TIMM23B: variants seen among roughly 807,000 people sequenced by gnomAD.
TIMM23B encodes the protein mitochondrial import inner membrane translocase subunit Tim23B.
Under a neutral mutation model 27.3 loss-of-function variants are expected in TIMM23B, and 27 were observed. The observed-to-expected ratio is 0.99, with a 90% CI of 0.73 to 1.36. The LOEUF (loss-of-function observed/expected upper bound fraction) is 1.36, where lower values mean the gene tolerates loss of function less well. Among genes scored for constraint, TIMM23B ranks in the 40% most tolerant of loss-of-function variants. The pLI is 0.00. For missense variants in TIMM23B, 205 were observed against 244.2 expected, an observed-to-expected ratio of 0.84 and a Z score of 1.07; for synonymous variants, 73 against 92.4, an observed-to-expected ratio of 0.79 and a Z score of 1.21.
At chr10:49,970,509 C>T (rs1840384674) in intron 6 of TIMM23B, 1 of 159,520 alleles carries the variant, frequency 6.3e-6, no homozygotes, top group South Asian at 1.8e-4. Flanking sequence ...AGGAGCCCCT[C>T]CGCCTGGCAG....
chr10:49,954,181 TC>T (rs1839634533), intron 4 of TIMM23B: 1 of 178,570 alleles, frequency 5.6e-6, no homozygotes, highest in South Asian at 1.2e-4. Context: ...CTGAATGAGT[TC>T]CTTCACTCTT....
intron 6 of TIMM23B, chr10:49,972,621 A>G: frequency 5.1e-6 from 1 of 194,556 alleles, no homozygotes; most frequent in East Asian, 1.4e-4. Context: ...TGTACTGAGA[A>G]TGTAGCTGTG....
At chr10:49,965,802 A>G (rs1412332430) in intron 6 of TIMM23B, among the ~76,000 whole-genome samples, 3 of 150,756 alleles carry the variant, frequency 2.0e-5, no homozygotes, top group Non-Finnish European at 4.5e-5. Flanking sequence ...CTCCATCGAA[A>G]TGAAATGAAA....
chr10:49,956,782 G>T lies in TIMM23B; in HGVS notation c.404-1588G>T, dbSNP rs1170233885. ...TGATGGGCATTTTATTTGTTGCCAGGTGTTTGCTATTAGAAACTGTTCTAG... is the reference window on the plus strand; with the variant it reads ...TGATGGGCATTTTATTTGTTGCCAGTTGTTTGCTATTAGAAACTGTTCTAG... On this transcript the variant is annotated intron_variant, in intron 5 of 6. Coordinates refer to ENST00000651259, the MANE Select transcript of TIMM23B (RefSeq NM_001290117.2). Among the ~76,000 whole-genome samples, 3 of 147,228 alleles carry T rather than the reference G, an allele frequency of 2.0e-5. No homozygotes were observed. In the East Asian group the frequency reaches 5.8e-4, roughly 28 times the overall value.
At chr10:49,958,246 T>G in intron 5 of TIMM23B, 124 bp from the exon 6 acceptor site, 1 of 671,308 alleles carries the variant, frequency 1.5e-6, no homozygotes, top group South Asian at 1.7e-5. Context: ...GTGATTGTTT[T>G]AGTCACTTAG....
chr10:49,947,706 A>G (rs1291192474), intron 2 of TIMM23B, among the ~76,000 whole-genome samples: 1 of 152,094 alleles, frequency 6.6e-6, no homozygotes, highest in Admixed American at 6.5e-5. Context: ...AGGCGGGAGG[A>G]TCACTTGAGC....
intron 2 of TIMM23B, among the ~76,000 whole-genome samples, chr10:49,950,241 C>A (rs1308748199): frequency 1.1e-4 from 16 of 143,888 alleles, no homozygotes; most frequent in African/African-American, 3.6e-4. Context: ...TACATTGATA[C>A]CCATTCTTGG....
intron 6 of TIMM23B, among the ~76,000 whole-genome samples, chr10:49,967,233 T>C (rs1215614620): frequency 1.3e-5 from 2 of 152,024 alleles, no homozygotes; most frequent in African/African-American, 4.8e-5. Context: ...CCTCTTTTTT[T>C]AAATTTCTGT....
At chr10:49,958,210 A>G (rs1839787941) in intron 5 of TIMM23B, among the ~76,000 whole-genome samples, 160 bp from the exon 6 acceptor site, 1 of 152,210 alleles carries the variant, frequency 6.6e-6, no homozygotes, top group Non-Finnish European at 1.5e-5. Context: ...AGCTGATTCC[A>G]GAACCAAGGA....
At chr10:49,967,678 G>A (rs1237210564) in intron 6 of TIMM23B, among the ~76,000 whole-genome samples, 1 of 152,120 alleles carries the variant, frequency 6.6e-6, no homozygotes, top group African/African-American at 2.4e-5. Flanking sequence ...TATGTTGGAG[G>A]TGTTCCAGAC....
chr10:49,970,626 A>G (rs1405039393), intron 6 of TIMM23B, among the ~76,000 whole-genome samples: 4 of 131,920 alleles, frequency 3.0e-5, no homozygotes, highest in Non-Finnish European at 6.6e-5. Context: ...GTGGGGGGGC[A>G]GCCCCCGCCC....
At chr10:49,942,425 A>T (rs1839150295) in intron 1 of TIMM23B, 125 bp downstream of exon 1, 2 of 1,517,006 alleles carry the variant, frequency 1.3e-6, no homozygotes, top group Non-Finnish European at 1.8e-6. Context: ...CTTAAGTACC[A>T]GTGGTGGGGT....
At chr10:49,969,369 C>T (rs577940592) in intron 6 of TIMM23B, among the ~76,000 whole-genome samples, 2 of 141,762 alleles carry the variant, frequency 1.4e-5, no homozygotes, top group Non-Finnish European at 3.0e-5. Flanking sequence ...CCCAGGAGGT[C>T]AAAGCTGCAG....
intron 2 of TIMM23B, among the ~76,000 whole-genome samples, chr10:49,949,738 A>G (rs1333241563): frequency 2.0e-5 from 3 of 151,146 alleles, no homozygotes; most frequent in African/African-American, 7.3e-5. Flanking sequence ...TTTAAAGATA[A>G]TAGAAATTAC....
intron 5 of TIMM23B, among the ~76,000 whole-genome samples, chr10:49,958,116 G>A (rs1490437419): frequency 5.9e-5 from 9 of 152,248 alleles, no homozygotes; most frequent in Non-Finnish European, 1.0e-4. Flanking sequence ...GAGAGATTCT[G>A]TTTCTGAGGC....
intron 1 of TIMM23B, 101 bp from the exon 2 acceptor site, chr10:49,944,931 A>G: frequency 6.7e-7 from 1 of 1,482,290 alleles, no homozygotes; most frequent in Non-Finnish European, 9.3e-7. Flanking sequence ...CAGTGAGCCT[A>G]TAAAAATTGC....
intron 6 of TIMM23B, among the ~76,000 whole-genome samples, chr10:49,966,391 TAATGA>T (rs782218381): frequency 3.5e-3 from 531 of 150,940 alleles, no homozygotes; most frequent in East Asian, 0.014. Context: ...AGAAATGAAA[TAATGA>T]AATGAATAAT....
chr10:49,943,200 G>A (rs1258081896), intron 1 of TIMM23B: 1 of 151,916 alleles, frequency 6.6e-6, no homozygotes, highest in East Asian at 1.9e-4. Flanking sequence ...ACAACACATG[G>A]TGTTTTGTTT....
At chr10:49,963,292 CGAAATGAAAT>C (rs1172971920) in intron 6 of TIMM23B, among the ~76,000 whole-genome samples, 6 of 151,334 alleles carry the variant, frequency 4.0e-5, no homozygotes, top group African/African-American at 1.2e-4. Flanking sequence ...GTCTCTGTCT[CGAAATGAAAT>C]GGAATGAAAT....
Sources: gnomAD v4.1 joint callset for allele counts (sites outside exome capture counted in the v4.1 genomes callset) on GRCh38, gnomAD v4.1.1 for gene constraint, MANE v1.5 for transcripts, NCBI Gene and HGNC (gene_info 2026-07-23, HGNC 2026-07-21) for gene names.